The following NFX1 variants were observed in gnomAD, a reference collection of about 807,000 sequenced individuals.
The protein encoded by NFX1 is nuclear transcription factor, X-box binding 1.
In NFX1, 69 loss-of-function variants were observed where a neutral mutation model predicts 137.2. The ratio of observed to expected loss-of-function variants is 0.50; its 90% confidence interval spans 0.41 to 0.61. NFX1 has a LOEUF of 0.61. Among genes scored for constraint, NFX1 ranks in the 20% least tolerant of loss-of-function variants. NFX1 has a pLI of 0.00. For synonymous variants in NFX1, 495 were observed against 474.1 expected (o/e 1.04, Z -0.57); for missense variants, 1,167 against 1,391.0 (o/e 0.84, Z 2.56).
chr9:33,338,285 G>A (rs1420336915), intron 11 of NFX1, among the ~76,000 whole-genome samples: 1 of 151,526 alleles, frequency 6.6e-6, no homozygotes, highest in Admixed American at 6.6e-5. Context: ...AACCTGAGAG[G>A]TGGATGTTGC....
intron 4 of NFX1, among the ~76,000 whole-genome samples, chr9:33,305,335 A>G (rs1033567115): frequency 6.6e-6 from 1 of 152,260 alleles, no homozygotes; most frequent in Non-Finnish European, 1.5e-5. Flanking sequence ...AGGCAGAAAG[A>G]TATGTTGAAG....
At chr9:33,322,181 A>G (rs1822411121) in intron 9 of NFX1, among the ~76,000 whole-genome samples, 1 of 151,228 alleles carries the variant, frequency 6.6e-6, no homozygotes, top group South Asian at 2.1e-4. Flanking sequence ...AGCCTAGGTG[A>G]CAGAGTGAGA....
intron 9 of NFX1, 22 bp from the exon 10 acceptor site, chr9:33,328,559 G>T (rs912330385): frequency 1.5e-5 from 23 of 1,577,232 alleles, no homozygotes; most frequent in Non-Finnish European, 1.8e-5. Context: ...TTCATTTCCA[G>T]CTCTTTTCGT....
At chr9:33,366,221 A>G (rs1165325607) in intron 21 of NFX1, among the ~76,000 whole-genome samples, 1 of 152,160 alleles carries the variant, frequency 6.6e-6, no homozygotes, top group Admixed American at 6.5e-5. Flanking sequence ...GTGTGTCTGT[A>G]TCTGAATACT....
intron 11 of NFX1, among the ~76,000 whole-genome samples, chr9:33,335,315 C>A (rs1417575902): frequency 6.7e-6 from 1 of 148,936 alleles, no homozygotes; most frequent in Non-Finnish European, 1.5e-5. Flanking sequence ...ACTGCAACCT[C>A]CACCTCCTGG....
chr9:33,368,184 G>A (rs1273570105), intron 23 of NFX1, among the ~76,000 whole-genome samples: 13 of 151,992 alleles, frequency 8.6e-5, no homozygotes, highest in African/African-American at 1.9e-4. Flanking sequence ...GCAGTGAGCC[G>A]AGATCGCACC....
intron 19 of NFX1, among the ~76,000 whole-genome samples, chr9:33,355,747 C>T (rs568131090): frequency 1.3e-5 from 2 of 149,942 alleles, no homozygotes; most frequent in South Asian, 2.1e-4. Flanking sequence ...CGGGTTCAAG[C>T]GATTCTCTTG....
chr9:33,323,376 A>G (rs192250289), intron 9 of NFX1, among the ~76,000 whole-genome samples: 2 of 152,302 alleles, frequency 1.3e-5, no homozygotes, highest in Non-Finnish European at 2.9e-5. Flanking sequence ...AGAAACAGGG[A>G]AAAAAACAGG....
intron 3 of NFX1, among the ~76,000 whole-genome samples, chr9:33,302,827 G>A (rs1392686874): frequency 4.0e-5 from 6 of 151,530 alleles, no homozygotes; most frequent in African/African-American, 1.5e-4. Flanking sequence ...GCACCACCAC[G>A]CCCAGCTAAT....
chr9:33,324,245 G>A (rs1291589721), intron 9 of NFX1, among the ~76,000 whole-genome samples: 1 of 152,100 alleles, frequency 6.6e-6, no homozygotes, highest in African/African-American at 2.4e-5. Flanking sequence ...TGGGTGTGGC[G>A]GCACACGCCT....
intron 6 of NFX1, 114 bp from the exon 7 acceptor site, chr9:33,313,540 G>A (rs1425759768): frequency 1.1e-6 from 1 of 952,054 alleles, no homozygotes; most frequent in Non-Finnish European, 1.6e-6. Flanking sequence ...GGGAAATGAA[G>A]TTAGAGAAAG....
At chr9:33,322,138 T>C (rs1822409323) in intron 9 of NFX1, among the ~76,000 whole-genome samples, 2 of 151,320 alleles carry the variant, frequency 1.3e-5, no homozygotes, top group Admixed American at 1.3e-4. Context: ...GGGGCAGTAG[T>C]TGCAGTGAAC....
intron 19 of NFX1, among the ~76,000 whole-genome samples, chr9:33,357,006 A>AT (rs1240672704): frequency 2.6e-5 from 4 of 151,624 alleles, no homozygotes; most frequent in Non-Finnish European, 5.9e-5. Flanking sequence ...AAAAAAAAAA[A>AT]AAATAAGCCG....
chr9:33,364,577 G>A, intron 20 of NFX1, 131 bp from the exon 21 acceptor site: 1 of 1,034,112 alleles, frequency 9.7e-7, no homozygotes, highest in Non-Finnish European at 1.4e-6. Flanking sequence ...TCTGTTTTCT[G>A]ACAATTCCTG....
At chr9:33,365,409 G>A (rs1281895327) in intron 21 of NFX1, 4 of 152,214 alleles carry the variant, frequency 2.6e-5, no homozygotes, top group African/African-American at 9.7e-5. Flanking sequence ...AGGAGTTCAC[G>A]ACCAGCCTGG....
At chr9:33,352,599 C>A in intron 16 of NFX1, 47 bp from the exon 17 acceptor site, 1 of 1,504,786 alleles carries the variant, frequency 6.6e-7, no homozygotes, top group Non-Finnish European at 9.3e-7. Context: ...GCTTTATTCA[C>A]ATAGTTCCAG....
At chr9:33,309,220 G>A (rs1046301027) in intron 5 of NFX1, among the ~76,000 whole-genome samples, 1 of 152,060 alleles carries the variant, frequency 6.6e-6, no homozygotes, top group Non-Finnish European at 1.5e-5. Flanking sequence ...AGCCGGGTGT[G>A]GTGGTGGGCA....
At chr9:33,344,031 C>A (rs1412587120) in intron 13 of NFX1, 38 bp from the exon 14 acceptor site, 2 of 1,612,796 alleles carry the variant, frequency 1.2e-6, no homozygotes, top group African/African-American at 2.7e-5. Context: ...ATCCCAAACT[C>A]AGAAAGGATT....
At position 33,367,595 on chromosome 9, in the gene NFX1, C is replaced by G. The variant is rs1230164603; in HGVS notation, c.3266C>G (p.Pro1089Arg). Residue 1089 changes from proline to arginine, a missense_variant, in exon 23 of 24, where the codon CCT becomes CGT. Coordinates refer to ENST00000379540, the MANE Select transcript of NFX1 (RefSeq NM_002504.6). The stretch of plus-strand genomic sequence containing the variant: ...CAGGCACGGCCTCCACCACCGATTC[C>G]TCATCACAGACATCAGTCAGACAAG... The part of the protein sequence containing the change: ...EMQARPPPPI[P>R]HHRHQSDKNP... 6.2e-7 allele frequency: 1 copy of G among 1,613,830 alleles called. No individual in the cohort carries two copies.
Sources: allele counts gnomAD v4.1 joint callset (sites outside exome capture counted in the v4.1 genomes callset), GRCh38; gene constraint gnomAD v4.1.1; transcripts MANE v1.5; gene names NCBI Gene and HGNC (gene_info 2026-07-23, HGNC 2026-07-21).